Variants in VTI1A observed in about 807,000 individuals in gnomAD.
The protein encoded by VTI1A is vesicle transport through interaction with t-SNAREs homolog 1A.
Under a neutral mutation model 34.9 loss-of-function variants are expected in VTI1A, and 22 were observed. The observed-to-expected ratio is 0.63, with a 90% CI of 0.45 to 0.90. The LOEUF is 0.90. VTI1A is among the 40% of genes least tolerant of loss of function. The pLI is 0.00. For synonymous variants in VTI1A, 87 were observed against 97.3 expected, an observed-to-expected ratio of 0.89 and a Z score of 0.62; for missense variants, 268 against 275.6, an observed-to-expected ratio of 0.97 and a Z score of 0.20.
At chr10:112,546,064 G>GTGTGTGTATATACGTGTATACGCGTA (rs1564821502) in intron 5 of VTI1A, among the ~76,000 whole-genome samples, 18 of 132,938 alleles carry the variant, frequency 1.4e-4, no homozygotes, top group Admixed American at 9.2e-4. Flanking sequence ...ATACGCGTAT[G>GTGTGTGTATATACGTGTATACGCGTA]TGTGTGTATA....
chr10:112,529,176 G>A (rs1850343993), intron 4 of VTI1A, among the ~76,000 whole-genome samples: 1 of 152,066 alleles, frequency 6.6e-6, no homozygotes, highest in Non-Finnish European at 1.5e-5. Context: ...ATGAGAATAT[G>A]TACTGTTAGA....
chr10:112,849,972 C>T, the VTI1A span, among the ~76,000 whole-genome samples: 2 of 152,140 alleles, frequency 1.3e-5, no homozygotes, highest in Non-Finnish European at 2.9e-5. Flanking sequence ...GGCCCTCACC[C>T]AGGAAGGTGC....
intron 7 of VTI1A, among the ~76,000 whole-genome samples, chr10:112,781,095 C>T (rs1036270948): frequency 1.3e-5 from 2 of 152,142 alleles, no homozygotes; most frequent in African/African-American, 4.8e-5. Context: ...CAGGTGCACA[C>T]CGCCATGGCC....
chr10:112,539,603 T>A (rs563755440), intron 5 of VTI1A, among the ~76,000 whole-genome samples: 20 of 152,116 alleles, frequency 1.3e-4, no homozygotes, highest in Non-Finnish European at 2.6e-4. Flanking sequence ...TTGGGAAGAA[T>A]GTGAATAATG....
intron 5 of VTI1A, among the ~76,000 whole-genome samples, chr10:112,606,255 C>G (rs1845079237): frequency 6.6e-6 from 1 of 151,964 alleles, no homozygotes; most frequent in Non-Finnish European, 1.5e-5. Context: ...GAACTCCTGA[C>G]CTCAGGTGAT....
chr10:112,776,069 CAG>C (rs1851947456), intron 7 of VTI1A, among the ~76,000 whole-genome samples: 1 of 152,222 alleles, frequency 6.6e-6, no homozygotes, highest in Non-Finnish European at 1.5e-5. Flanking sequence ...TGACTTGGTG[CAG>C]AGTCTATTGA....
At chr10:112,576,808 C>T (rs958397980) in intron 5 of VTI1A, among the ~76,000 whole-genome samples, 7 of 152,200 alleles carry the variant, frequency 4.6e-5, no homozygotes, top group Non-Finnish European at 8.8e-5. Flanking sequence ...ATTTTGTTAT[C>T]ATGACCTATA....
chr10:112,685,470 A>G (rs1011690661), intron 7 of VTI1A, among the ~76,000 whole-genome samples: 7 of 151,180 alleles, frequency 4.6e-5, no homozygotes, highest in African/African-American at 1.2e-4. Context: ...TCTTTATCCT[A>G]TTGCCTCATC....
At chr10:112,709,772 C>A (rs547285026) in intron 7 of VTI1A, among the ~76,000 whole-genome samples, 1 of 145,244 alleles carries the variant, frequency 6.9e-6, no homozygotes, top group African/African-American at 2.6e-5. Flanking sequence ...CTCACTGCGA[C>A]CTCTGCCTCC....
At chr10:112,714,106 C>G (rs1849524241) in intron 7 of VTI1A, among the ~76,000 whole-genome samples, 1 of 152,122 alleles carries the variant, frequency 6.6e-6, no homozygotes. Context: ...AAAACTTAGC[C>G]CTTGAAAGAC....
chr10:112,792,492 C>T (rs113962037), intron 7 of VTI1A, among the ~76,000 whole-genome samples: 61 of 152,240 alleles, frequency 4.0e-4, no homozygotes, highest in African/African-American at 1.3e-3. Context: ...AATGAGCTCT[C>T]CAGCCCAATG....
At chr10:112,484,270 A>G (rs1848545542) in intron 3 of VTI1A, among the ~76,000 whole-genome samples, 1 of 152,256 alleles carries the variant, frequency 6.6e-6, no homozygotes, top group African/African-American at 2.4e-5. Flanking sequence ...TTCTAAGGTC[A>G]GTAAGCATTG....
chr10:112,576,773 T>C (rs1843726559), intron 5 of VTI1A, among the ~76,000 whole-genome samples: 1 of 152,238 alleles, frequency 6.6e-6, no homozygotes, highest in Non-Finnish European at 1.5e-5. Context: ...CTTTAGGCTA[T>C]ATATGTCACA....
chr10:112,655,536 CAA>C, intron 5 of VTI1A, among the ~76,000 whole-genome samples: 1 of 140,110 alleles, frequency 7.1e-6, no homozygotes, highest in Non-Finnish European at 1.6e-5. Flanking sequence ...CTTGTACTGT[CAA>C]AAAAAAAAAA....
downstream of VTI1A, among the ~76,000 whole-genome samples, chr10:112,819,471 G>A (rs553593763): frequency 2.7e-4 from 41 of 152,234 alleles, no homozygotes; most frequent in African/African-American, 9.6e-4. Context: ...ATGTGGGCAG[G>A]CGGGAGAGCC....
chr10:112,853,143 C>T, the VTI1A span, among the ~76,000 whole-genome samples: 2 of 152,148 alleles, frequency 1.3e-5, no homozygotes, highest in African/African-American at 4.8e-5. Flanking sequence ...GCAACCTGGC[C>T]AAATCCATAA....
chr10:112,606,856 TAAAG>T (rs1845103633), intron 5 of VTI1A, among the ~76,000 whole-genome samples: 1 of 152,222 alleles, frequency 6.6e-6, no homozygotes, highest in Non-Finnish European at 1.5e-5. Flanking sequence ...TTCCTATTTT[TAAAG>T]AACCTAGTCC....
intron 5 of VTI1A, among the ~76,000 whole-genome samples, chr10:112,593,573 A>G (rs1388172097): frequency 7.2e-5 from 11 of 152,154 alleles, no homozygotes. Flanking sequence ...TGGAAAGTTT[A>G]GGGAAAATAG....
intron 7 of VTI1A, among the ~76,000 whole-genome samples, chr10:112,806,069 G>T (rs563851840): frequency 6.6e-6 from 1 of 152,238 alleles, no homozygotes; most frequent in Non-Finnish European, 1.5e-5. Context: ...ATCTAGATAT[G>T]CCAGGGCTCA....
Sources: gnomAD v4.1 joint callset for allele counts (sites outside exome capture counted in the v4.1 genomes callset) on GRCh38, gnomAD v4.1.1 for gene constraint, MANE v1.5 for transcripts, NCBI Gene and HGNC (gene_info 2026-07-23, HGNC 2026-07-21) for gene names.